Variants in MAPK4 observed in about 807,000 individuals in gnomAD.
The protein encoded by MAPK4 is mitogen-activated protein kinase 4.
In MAPK4, 22 loss-of-function variants were observed where a neutral mutation model predicts 47.7. That is an observed-to-expected ratio of 0.46 (90% CI 0.33 to 0.66). The LOEUF is 0.66. MAPK4 is among the 30% of genes least tolerant of loss of function. The probability of loss-of-function intolerance (pLI) is 0.02; values close to 1 mark genes in which losing one functional copy is unlikely to be tolerated. For synonymous variants in MAPK4, 390 were observed against 365.7 expected (o/e 1.07, Z -0.76); for missense variants, 736 against 831.7 (o/e 0.88, Z 1.42).
At position 50,729,528 on chromosome 18, in the gene MAPK4, G is replaced by C; in HGVS notation, c.1438G>C (p.Gly480Arg). 7.0e-7 allele frequency: 1 copy of C among 1,435,526 alleles called. No homozygotes were observed. The highest frequency in any genetic ancestry group is 9.1e-7 in the Non-Finnish European group (1 of 1,094,686). The allele number at this position is 1,435,526 out of a possible 1,614,324, so 88.9% of individuals were successfully genotyped here. ...CACGGCCACGGGGCTGGCGGACACGGGGGCGCGCGAGGACGAGCCGGCCAG... is the reference window on the plus strand; with the variant it reads ...CACGGCCACGGGGCTGGCGGACACGCGGGCGCGCGAGGACGAGCCGGCCAG... ...PPTATGLADT[G>R]AREDEPASLF... The change falls in exon 6 of 6, where the codon GGG (glycine) becomes CGG (arginine). Residue 480 changes from glycine (G) to arginine (R), a missense_variant. By Grantham distance (125) the Gly-to-Arg change is moderately radical. Transcript: ENST00000400384.
rs542987643 is a variant in MAPK4 at position 50,639,640 on chromosome 18, A to T, written c.-870-23449A>T. ...AATTTTAAAACATAAAAGGGATTAG[A>T]CTCTGCACCATTTAGTAACATTTTA... On this transcript the variant is annotated intron_variant, in intron 1 of 5. Coordinates refer to ENST00000400384, the MANE Select transcript of MAPK4 (RefSeq NM_002747.4). 2.0e-3 allele frequency among the ~76,000 whole-genome samples: 301 copies of T among 152,260 alleles called. 3 individuals are homozygous for T. Among genetic ancestry groups the T allele is most frequent in the South Asian group, 0.011 (54 of 4,818 alleles).
chr18:50,567,549 G>T (rs983985397), intron 1 of MAPK4, among the ~76,000 whole-genome samples: 2 of 152,072 alleles, frequency 1.3e-5, no homozygotes, highest in Admixed American at 6.5e-5. Context: ...TTACCAAAAT[G>T]GTGTACCAGT....
chr18:50,617,098 C>T (rs1561262), intron 1 of MAPK4, among the ~76,000 whole-genome samples: 151,810 of 152,342 alleles, frequency 1, 75,642 homozygotes, highest in East Asian at 1. Context: ...TTTCTTTGAA[C>T]TATTGTGCAA....
chr18:50,664,386 C>T lies in MAPK4; in HGVS notation c.428C>T (p.Ala143Val). ...CGCGGGCTCAAGTACATCCACTCCG[C>T]CAACGTGCTGCACAGGGACCTGAAG... ...LLRGLKYIHS[A>V]NVLHRDLKPA... Residue 143 changes from alanine to valine, a missense_variant, in exon 2 of 6, where the codon GCC (alanine) becomes GTC (valine). This residue lies in a region of MAPK4 where 327 missense variants were observed against 395.4 expected (regional missense o/e 0.83). Transcript: ENST00000400384. This position sits in a 1 kb window ranked among gnomAD's most constrained non-coding sequence, Gnocchi z 6.0. 3 of 1,614,064 alleles carry T rather than the reference C, an allele frequency of 1.9e-6. No homozygotes were observed. The highest frequency in any genetic ancestry group is 2.5e-6 in the Non-Finnish European group (3 of 1,180,028).
intron 1 of MAPK4, among the ~76,000 whole-genome samples, chr18:50,628,138 A>G (rs1446447801): frequency 6.6e-6 from 1 of 152,228 alleles, no homozygotes; most frequent in African/African-American, 2.4e-5. Flanking sequence ...CCAGATGCTG[A>G]GTTGCAGCTA....
chr18:50,670,487 T>C (rs1907879208), intron 2 of MAPK4, among the ~76,000 whole-genome samples: 1 of 152,206 alleles, frequency 6.6e-6, no homozygotes, highest in Non-Finnish European at 1.5e-5. Flanking sequence ...CCGGGTGTGG[T>C]GGCTCACGCC....
At chr18:50,597,077 T>C (rs1384083918) in intron 1 of MAPK4, among the ~76,000 whole-genome samples, 1 of 152,224 alleles carries the variant, frequency 6.6e-6, no homozygotes, top group Non-Finnish European at 1.5e-5. Context: ...CCAGTTAAGA[T>C]ATAGAATGTT....
At chr18:50,660,745 G>A (rs891234336) in intron 1 of MAPK4, among the ~76,000 whole-genome samples, 2 of 152,128 alleles carry the variant, frequency 1.3e-5, no homozygotes, top group Non-Finnish European at 2.9e-5. Context: ...TGGGGGTGGT[G>A]GGGAAGCAGG....
intron 1 of MAPK4, among the ~76,000 whole-genome samples, chr18:50,614,391 T>C (rs2042666141): frequency 6.6e-6 from 1 of 152,120 alleles, no homozygotes; most frequent in Non-Finnish European, 1.5e-5. Context: ...ATTTAAAATA[T>C]CTAAATATCT....
chr18:50,581,397 C>T (rs1335779550), intron 1 of MAPK4, among the ~76,000 whole-genome samples: 1 of 152,144 alleles, frequency 6.6e-6, no homozygotes, highest in Admixed American at 6.6e-5. Flanking sequence ...CAGGTCTTTC[C>T]ATAGGGGCTT....
intron 2 of MAPK4, among the ~76,000 whole-genome samples, chr18:50,689,046 G>T (rs1225348430): frequency 6.6e-6 from 1 of 151,952 alleles, no homozygotes; most frequent in African/African-American, 2.4e-5. Flanking sequence ...ATCACATGAA[G>T]TCAGGAGTTT....
At chr18:50,583,526 T>G (rs898180262) in intron 1 of MAPK4, among the ~76,000 whole-genome samples, 2 of 151,970 alleles carry the variant, frequency 1.3e-5, no homozygotes, top group African/African-American at 4.8e-5. Flanking sequence ...GAGGTGGAGG[T>G]TGCAGTGAGC....
At chr18:50,613,376 A>G (rs1453720431) in intron 1 of MAPK4, among the ~76,000 whole-genome samples, 1 of 152,218 alleles carries the variant, frequency 6.6e-6, no homozygotes, top group Non-Finnish European at 1.5e-5. Context: ...GTAGTCAGTA[A>G]GAAGCTGGGT....
intron 2 of MAPK4, among the ~76,000 whole-genome samples, chr18:50,710,211 G>A (rs370106936): frequency 2.1e-3 from 315 of 152,308 alleles, no homozygotes; most frequent in Non-Finnish European, 3.6e-3. Context: ...GGCCAGGCAC[G>A]GTGGCTCATG....
At position 50,656,699 on chromosome 18, in the gene MAPK4, T is replaced by C. The variant is rs558690642; in HGVS notation, c.-870-6390T>C. 2.6e-5 allele frequency among the ~76,000 whole-genome samples: 4 copies of C among 152,316 alleles called. No individual in the cohort carries two copies. The East Asian group carries it at 7.7e-4, about 29-fold the overall frequency. On this transcript the variant is annotated intron_variant, in intron 1 of 5. Transcript: ENST00000400384. ...GACTGATGGGACTCACCCTGCTTCC[T>C]GCTACGCTTATAGTAGGAATCACAC...
At chr18:50,709,548 T>A (rs1225178013) in intron 2 of MAPK4, among the ~76,000 whole-genome samples, 1 of 152,206 alleles carries the variant, frequency 6.6e-6, no homozygotes, top group Non-Finnish European at 1.5e-5. Context: ...GAGGGGGCAT[T>A]CGCCTCCCCT....
In MAPK4 at chr18:50,651,906, T is replaced by C. The variant is rs1477798700; in HGVS notation, c.-870-11183T>C. ...TTCCCGTGTGAAGGCCACCCTACTATTGGAGGTGTGTTGAGACTTGCCCAA... is the reference window on the plus strand; with the variant it reads ...TTCCCGTGTGAAGGCCACCCTACTACTGGAGGTGTGTTGAGACTTGCCCAA... On this transcript the variant is annotated intron_variant, in intron 1 of 5. Transcript: ENST00000400384. 2.0e-5 allele frequency among the ~76,000 whole-genome samples: 3 copies of C among 152,324 alleles called. No homozygotes were observed. In the East Asian group the frequency reaches 5.8e-4, roughly 29 times the overall value.
chr18:50,656,827 A>G (rs2043115150), intron 1 of MAPK4, among the ~76,000 whole-genome samples: 1 of 152,158 alleles, frequency 6.6e-6, no homozygotes, highest in Non-Finnish European at 1.5e-5. Flanking sequence ...CATGTGTCCT[A>G]CCTCTTCTCA....
intron 1 of MAPK4, among the ~76,000 whole-genome samples, chr18:50,597,050 C>G (rs751338940): frequency 6.6e-6 from 1 of 152,168 alleles, no homozygotes; most frequent in Non-Finnish European, 1.5e-5. Flanking sequence ...ATTGCATTTA[C>G]CCATATAACC....
Sources: allele counts gnomAD v4.1 joint callset (sites outside exome capture counted in the v4.1 genomes callset), GRCh38; gene constraint gnomAD v4.1.1; regional missense constraint gnomAD v4.1.1; non-coding constraint Gnocchi (gnomAD v3.1); transcripts MANE v1.5; gene names NCBI Gene and HGNC (gene_info 2026-07-23, HGNC 2026-07-21).